Variants in DOK6 observed in about 807,000 individuals in gnomAD.
The protein encoded by DOK6 is docking protein 6, also known as downstream of tyrosine kinase 6.
In DOK6, 22 loss-of-function variants were observed where a neutral mutation model predicts 44.0. That is an observed-to-expected ratio of 0.50 (90% CI 0.36 to 0.71). DOK6 has a LOEUF of 0.71. Ranked by LOEUF, DOK6 falls within the 30% of genes least tolerant of loss-of-function variation. DOK6 has a pLI of 0.00. For missense variants in DOK6, 340 were observed against 416.4 expected (o/e 0.82, Z 1.60); for synonymous variants, 166 against 145.5 (o/e 1.14, Z -1.01).
At chr18:69,623,000 A>G (rs1207524719) in intron 3 of DOK6, among the ~76,000 whole-genome samples, 3 of 152,106 alleles carry the variant, frequency 2.0e-5, no homozygotes, top group Non-Finnish European at 2.9e-5. Context: ...CCCAAATCTC[A>G]TGTAGAGTTG....
intron 3 of DOK6, among the ~76,000 whole-genome samples, chr18:69,641,241 A>T (rs1248051572): frequency 2.6e-5 from 4 of 152,050 alleles, no homozygotes; most frequent in Non-Finnish European, 5.9e-5. Flanking sequence ...AAAAGAACTC[A>T]ACCTAATGAT....
chr18:69,538,894 A>C (rs1982193121), intron 1 of DOK6, among the ~76,000 whole-genome samples: 1 of 151,946 alleles, frequency 6.6e-6, no homozygotes, highest in African/African-American at 2.4e-5. Flanking sequence ...CTCCTAGGCT[A>C]TTGGATGGTT....
intron 1 of DOK6, among the ~76,000 whole-genome samples, chr18:69,551,270 C>T (rs1982559637): frequency 6.6e-6 from 1 of 152,050 alleles, no homozygotes; most frequent in Non-Finnish European, 1.5e-5. Flanking sequence ...ATTTCAAGTA[C>T]TTTTTAGGCA....
chr18:69,606,318 AAATAAAT>A (rs1340650613), intron 3 of DOK6, among the ~76,000 whole-genome samples: 2 of 107,382 alleles, frequency 1.9e-5, no homozygotes, highest in African/African-American at 3.0e-5. Flanking sequence ...ATAAATAAAT[AAATAAAT>A]AAAATTCCCA....
At chr18:69,589,361 T>C (rs1983575053) in intron 2 of DOK6, among the ~76,000 whole-genome samples, 1 of 152,036 alleles carries the variant, frequency 6.6e-6, no homozygotes, top group African/African-American at 2.4e-5. Context: ...TTTGACTTAA[T>C]TAAAACAACC....
At chr18:69,411,980 C>A (rs1013078698) in intron 1 of DOK6, among the ~76,000 whole-genome samples, 1 of 152,144 alleles carries the variant, frequency 6.6e-6, no homozygotes, top group Non-Finnish European at 1.5e-5. Context: ...ACTGTTAAAA[C>A]TATTCATTGC....
chr18:69,836,192 GT>G (rs1445416626), intron 7 of DOK6, among the ~76,000 whole-genome samples: 1 of 152,088 alleles, frequency 6.6e-6, no homozygotes, highest in African/African-American at 2.4e-5. Flanking sequence ...GCTCCTTCTA[GT>G]TCATTACTGG....
intron 3 of DOK6, among the ~76,000 whole-genome samples, chr18:69,601,083 A>T (rs1245899668): frequency 6.6e-6 from 1 of 152,246 alleles, no homozygotes; most frequent in Non-Finnish European, 1.5e-5. Context: ...TATAAAGCTT[A>T]CAAGATTCTG....
intron 2 of DOK6, among the ~76,000 whole-genome samples, chr18:69,565,532 T>A: frequency 6.9e-6 from 1 of 145,508 alleles, no homozygotes. Flanking sequence ...TATATATATA[T>A]ACATAATTTT....
At chr18:69,814,185 A>G (rs1171092822) in intron 7 of DOK6, among the ~76,000 whole-genome samples, 3 of 152,090 alleles carry the variant, frequency 2.0e-5, no homozygotes, top group African/African-American at 7.2e-5. Context: ...ATAAAAGAAA[A>G]TCCAAGGAAA....
intron 2 of DOK6, among the ~76,000 whole-genome samples, chr18:69,596,051 A>G (rs571689037): frequency 8.5e-5 from 13 of 152,296 alleles, no homozygotes; most frequent in Non-Finnish European, 1.6e-4. Flanking sequence ...TGTGATGAAA[A>G]GCAATTGAGA....
At chr18:69,482,972 G>T (rs1411778466) in intron 1 of DOK6, among the ~76,000 whole-genome samples, 1 of 151,774 alleles carries the variant, frequency 6.6e-6, no homozygotes, top group African/African-American at 2.4e-5. Context: ...GCGGTACACA[G>T]ATTATTTCAT....
chr18:69,476,242 T>G (rs906081544), intron 1 of DOK6, among the ~76,000 whole-genome samples: 2 of 152,242 alleles, frequency 1.3e-5, no homozygotes, highest in African/African-American at 4.8e-5. Context: ...TATCATATAT[T>G]ATTTTTCCCT....
intron 7 of DOK6, among the ~76,000 whole-genome samples, chr18:69,832,952 T>C (rs888986429): frequency 2.0e-5 from 3 of 152,168 alleles, no homozygotes; most frequent in Non-Finnish European, 1.5e-5. Flanking sequence ...TGTTCATGGA[T>C]TGGAAGAATA....
intron 5 of DOK6, among the ~76,000 whole-genome samples, chr18:69,731,710 A>T (rs563836613): frequency 4.6e-5 from 7 of 152,342 alleles, no homozygotes; most frequent in Admixed American, 2.0e-4. Flanking sequence ...AAATGTTGAA[A>T]AAAAGCATAA....
chr18:69,538,848 C>T (rs1410516619), intron 1 of DOK6, among the ~76,000 whole-genome samples: 1 of 151,960 alleles, frequency 6.6e-6, no homozygotes, highest in Non-Finnish European at 1.5e-5. Flanking sequence ...ATCCCTTTTT[C>T]CTCTCCAGCC....
intron 4 of DOK6, among the ~76,000 whole-genome samples, chr18:69,683,049 G>A (rs1270822556): frequency 6.6e-6 from 1 of 152,040 alleles, no homozygotes; most frequent in Non-Finnish European, 1.5e-5. Context: ...ATCTTACTAA[G>A]GATCTGGGGT....
At chr18:69,599,709 GGTCT>G (rs2144622409) in intron 3 of DOK6, among the ~76,000 whole-genome samples, 1 of 152,304 alleles carries the variant, frequency 6.6e-6, no homozygotes, top group Non-Finnish European at 1.5e-5. Context: ...GCTCCCAGGT[GGTCT>G]GCCTGTTGAG....
At chr18:69,765,754 A>G (rs556658013) in intron 7 of DOK6, among the ~76,000 whole-genome samples, 23 of 152,276 alleles carry the variant, frequency 1.5e-4, no homozygotes, top group African/African-American at 5.3e-4. Flanking sequence ...TATTAACTTT[A>G]CCACTACTGA....
Sources: allele counts gnomAD v4.1 joint callset (sites outside exome capture counted in the v4.1 genomes callset), GRCh38; gene constraint gnomAD v4.1.1; transcripts MANE v1.5; gene names NCBI Gene and HGNC (gene_info 2026-07-23, HGNC 2026-07-21).